RAPGEF2: variants seen among roughly 807,000 people sequenced by gnomAD.
RAPGEF2 encodes the protein Rap guanine nucleotide exchange factor 2.
Under a neutral mutation model 186.7 loss-of-function variants are expected in RAPGEF2, and 54 were observed. The ratio of observed to expected loss-of-function variants is 0.29; its 90% CI spans 0.23 to 0.36. RAPGEF2 has a LOEUF of 0.36. RAPGEF2 is among the 10% of genes least tolerant of loss of function. The pLI is 1.00. For missense variants in RAPGEF2, 1,532 were observed against 2,045.0 expected, an observed-to-expected ratio of 0.75 and a Z score of 4.84; for synonymous variants, 712 against 705.9, an observed-to-expected ratio of 1.01 and a Z score of -0.14.
intron 1 of RAPGEF2, among the ~76,000 whole-genome samples, chr4:159,161,075 AG>A (rs1744658769): frequency 1.3e-5 from 2 of 152,220 alleles, no homozygotes; most frequent in Admixed American, 6.5e-5. Context: ...AAAAGAAAAA[AG>A]TACCTTAAAT....
intron 1 of RAPGEF2, among the ~76,000 whole-genome samples, chr4:159,127,372 A>G (rs1579252740): frequency 1.3e-5 from 2 of 152,272 alleles, no homozygotes; most frequent in South Asian, 4.1e-4. Context: ...CACTGCCACC[A>G]TTCTCAGGGC....
At chr4:159,185,752 G>A (rs995433792) in intron 1 of RAPGEF2, among the ~76,000 whole-genome samples, 37 of 151,900 alleles carry the variant, frequency 2.4e-4, no homozygotes, top group Admixed American at 2.4e-3. Context: ...GAGATAGATT[G>A]TACAACAAAA....
intron 3 of RAPGEF2, among the ~76,000 whole-genome samples, chr4:159,200,211 TAA>T (rs1482063493): frequency 6.6e-6 from 1 of 152,196 alleles, no homozygotes; most frequent in African/African-American, 2.4e-5. Flanking sequence ...CTCATGCCTG[TAA>T]TCCCAGCACC....
chr4:159,174,531 TAATG>T (rs1436678856), intron 1 of RAPGEF2, among the ~76,000 whole-genome samples: 2 of 152,212 alleles, frequency 1.3e-5, no homozygotes, highest in African/African-American at 4.8e-5. Context: ...TATGGCTAAT[TAATG>T]AGGTAATTAC....
chr4:159,249,717 A>G (rs557266349), intron 7 of RAPGEF2, among the ~76,000 whole-genome samples: 1 of 152,180 alleles, frequency 6.6e-6, no homozygotes, highest in Non-Finnish European at 1.5e-5. Flanking sequence ...TTAAAAACTG[A>G]TCAGGGAAAA....
intron 7 of RAPGEF2, among the ~76,000 whole-genome samples, chr4:159,295,089 A>G (rs10034409): frequency 0.98 from 149,486 of 152,308 alleles, 73,421 homozygotes; most frequent in East Asian, 1. Context: ...CGTATTGCCC[A>G]TTATACAATA....
rs560410566 is a variant in RAPGEF2 at position 159,339,097 on chromosome 4, A to C, written c.2294-17A>C. 8 of 1,607,492 alleles carry C rather than the reference A, an allele frequency of 5.0e-6. No homozygotes were observed. Among genetic ancestry groups the C allele is most frequent in the Non-Finnish European group, 6.8e-6 (8 of 1,175,468 alleles). On this transcript the variant is annotated splice_polypyrimidine_tract_variant and intron_variant, in intron 18 of 29. Transcript: ENST00000691494. ...AAAATTCTTTCTACTTATGTGTGTGATTTTTCTTTCCCCCAGACTTGCCAG... is the reference window on the plus strand; with the variant it reads ...AAAATTCTTTCTACTTATGTGTGTGCTTTTTCTTTCCCCCAGACTTGCCAG...
chr4:159,134,836 T>G (rs549223054), intron 1 of RAPGEF2, among the ~76,000 whole-genome samples: 1 of 152,168 alleles, frequency 6.6e-6, no homozygotes, highest in Non-Finnish European at 1.5e-5. Flanking sequence ...TTTATCAACC[T>G]CAAAAAGAAA....
chr4:159,336,027 G>A (rs1767369315), intron 17 of RAPGEF2, among the ~76,000 whole-genome samples: 1 of 151,824 alleles, frequency 6.6e-6, no homozygotes, highest in Non-Finnish European at 1.5e-5. Flanking sequence ...TTCCACTAAC[G>A]TAAAAGTTTT....
chr4:159,291,259 A>AAT (rs1308533065), intron 7 of RAPGEF2, among the ~76,000 whole-genome samples: 1 of 152,158 alleles, frequency 6.6e-6, no homozygotes, highest in African/African-American at 2.4e-5. Flanking sequence ...TGTATGTGTG[A>AAT]ATATATACAT....
rs1204584321 is a variant in RAPGEF2 at position 159,359,115 on chromosome 4, T to A, written c.*976T>A. The A allele has an allele frequency of 1.3e-5, 2 of 151,444 alleles. No individual in the cohort carries two copies. Among genetic ancestry groups the A allele is most frequent in the Non-Finnish European group, 2.9e-5 (2 of 67,920 alleles). The allele number at this position is 151,444 out of a possible 1,614,324, so 9.4% of individuals were successfully genotyped here. A position where few individuals can be genotyped will look rare whatever the true frequency, so the allele number is the denominator to read the frequency against. ...CATTTTTAAGTTATATTTCTTTGAT[T>A]TTTGTTAATTTAGAGGTGTAGGTTT... On this transcript the variant is annotated 3_prime_UTR_variant, in exon 30 of 30. Transcript: ENST00000691494.
intron 17 of RAPGEF2, among the ~76,000 whole-genome samples, chr4:159,337,783 A>G (rs6849170): frequency 0.64 from 95,275 of 149,986 alleles, 32,002 homozygotes; most frequent in African/African-American, 0.84. Flanking sequence ...CCAGCTACTC[A>G]GGAGGCTGAG....
intron 1 of RAPGEF2, among the ~76,000 whole-genome samples, chr4:159,147,887 CAAAG>C (rs767086273): frequency 1.3e-5 from 2 of 152,146 alleles, no homozygotes; most frequent in African/African-American, 2.4e-5. Context: ...GGATGAAAAG[CAAAG>C]AAAGAGTTTT....
At chr4:159,167,413 G>A (rs1474836554) in intron 1 of RAPGEF2, among the ~76,000 whole-genome samples, 2 of 152,148 alleles carry the variant, frequency 1.3e-5, no homozygotes, top group Non-Finnish European at 2.9e-5. Flanking sequence ...GAATAGATGC[G>A]ATATCTTAGG....
At position 159,130,556 on chromosome 4, in the gene RAPGEF2, T is replaced by G. The variant is rs141024540; in HGVS notation, c.69+26325T>G. The stretch of plus-strand genomic sequence containing the variant: ...ATTTCTCTGCTAGGTCATTTTTATT[T>G]TAGAGATGAATTTCGGATCTAAAGT... On this transcript the variant is annotated intron_variant, in intron 1 of 29. Transcript: ENST00000691494. Among the ~76,000 whole-genome samples, 281 of 152,240 alleles carry G rather than the reference T, an allele frequency of 1.8e-3. 2 individuals are homozygous for G. The highest frequency in any genetic ancestry group is 3.1e-3 in the Admixed American group (47 of 15,302).
intron 1 of RAPGEF2, among the ~76,000 whole-genome samples, chr4:159,115,158 G>C (rs1476865943): frequency 6.6e-6 from 1 of 152,006 alleles, no homozygotes; most frequent in Non-Finnish European, 1.5e-5. Flanking sequence ...TTGGTAGTGA[G>C]TACTGGAGAA....
chr4:159,198,337 T>TC (rs1749021326), intron 3 of RAPGEF2, among the ~76,000 whole-genome samples: 2 of 141,888 alleles, frequency 1.4e-5, no homozygotes, highest in Non-Finnish European at 3.1e-5. Flanking sequence ...TTTCTTTCTT[T>TC]TTCTTTCTCT....
At chr4:159,201,074 TATC>T (rs1340857642) in intron 3 of RAPGEF2, among the ~76,000 whole-genome samples, 1 of 152,222 alleles carries the variant, frequency 6.6e-6, no homozygotes, top group East Asian at 1.9e-4. Context: ...TTTGGCTTGA[TATC>T]ATTGTTGGGG....
In RAPGEF2 at chr4:159,353,677, A is replaced by G; in HGVS notation, c.4282A>G (p.Arg1428Gly). The G allele has an allele frequency of 6.3e-7, 1 of 1,588,104 alleles. No homozygotes were observed. The highest frequency in any genetic ancestry group is 8.6e-7 in the Non-Finnish European group (1 of 1,168,116). Residue 1428 changes from arginine to glycine, a missense_variant, in exon 28 of 30, where the codon AGA (arginine) becomes GGA (glycine). By Grantham distance (125) the Arg-to-Gly change is moderately radical (BLOSUM62 -2). Around this residue, in one of 4 missense-constraint regions of RAPGEF2, gnomAD observed 594 missense variants for 608.5 expected, o/e 0.98. Transcript: ENST00000691494. This position sits in a 1 kb window ranked among gnomAD's most constrained non-coding sequence, Gnocchi z 4.3. ...HDNIQTIQHQ[R>G]SWETLPFGHT... ...TAATATACAGACGATCCAGCACCAGAGAAGCTGGGAGACTCTTCCATTCGG... is the reference window on the plus strand; with the variant it reads ...TAATATACAGACGATCCAGCACCAGGGAAGCTGGGAGACTCTTCCATTCGG...
Sources: allele counts gnomAD v4.1 joint callset (sites outside exome capture counted in the v4.1 genomes callset), GRCh38; gene constraint gnomAD v4.1.1; regional missense constraint gnomAD v4.1.1; non-coding constraint Gnocchi (gnomAD v3.1); transcripts MANE v1.5; gene names NCBI Gene and HGNC (gene_info 2026-07-23, HGNC 2026-07-21).